SERINC5: variants seen among roughly 807,000 people sequenced by gnomAD.
The protein encoded by SERINC5 is chromosome 5 open reading frame 12.
In SERINC5, 41 loss-of-function variants were observed where a neutral mutation model predicts 63.1. That is an observed-to-expected ratio of 0.65 (90% CI 0.51 to 0.84). The LOEUF is 0.84. SERINC5 is among the 40% of genes least tolerant of loss of function. The pLI, the probability that SERINC5 is intolerant of heterozygous loss-of-function variation, is 0.00. For synonymous variants in SERINC5, 222 were observed against 215.2 expected (o/e 1.03, Z -0.28); for missense variants, 523 against 573.0 (o/e 0.91, Z 0.89).
chr5:80,134,807 A>T (rs185691016), downstream of SERINC5, among the ~76,000 whole-genome samples: 1 of 152,342 alleles, frequency 6.6e-6, no homozygotes, highest in African/African-American at 2.4e-5. Flanking sequence ...CTGAAAGAAC[A>T]AGTGTGTTCT....
chr5:80,236,360 C>T (rs969363130), intron 1 of SERINC5, among the ~76,000 whole-genome samples: 3 of 152,104 alleles, frequency 2.0e-5, no homozygotes, highest in Non-Finnish European at 2.9e-5. Flanking sequence ...CTCAGGCTTC[C>T]TATCATTAGA....
intron 1 of SERINC5, among the ~76,000 whole-genome samples, chr5:80,240,966 G>A (rs956323298): frequency 9.9e-5 from 15 of 152,170 alleles, no homozygotes; most frequent in African/African-American, 3.6e-4. Flanking sequence ...GAGCCACTGT[G>A]CTCGGCCGTG....
Position 80,147,234 on chromosome 5 carries a change from G to A in SERINC5, c.1093+11C>T, listed in dbSNP as rs62364003. ...CCACACAGGTGCAAAGAATAAAAGC[G>A]CTCTGCTTACCCTCTCCACCAGGAC... On this transcript the variant is annotated intron_variant, in intron 10 of 11. Transcript: ENST00000507668. 1.6e-4 allele frequency: 249 copies of A among 1,595,260 alleles called. No individual in the cohort carries two copies. Among genetic ancestry groups the A allele is most frequent in the African/African-American group, 5.5e-4 (41 of 74,612 alleles).
intron 1 of SERINC5, among the ~76,000 whole-genome samples, chr5:80,253,843 A>G (rs1031451746): frequency 6.6e-6 from 1 of 152,218 alleles, no homozygotes; most frequent in Admixed American, 6.5e-5. Flanking sequence ...TTATGACTAT[A>G]TAGCAGGCTC....
At chr5:80,221,837 T>C (rs1750919180) in intron 1 of SERINC5, among the ~76,000 whole-genome samples, 1 of 150,754 alleles carries the variant, frequency 6.6e-6, no homozygotes, top group African/African-American at 2.4e-5. Context: ...ATAAATACTA[T>C]AAAATGAGTT....
At chr5:80,236,292 C>G (rs1390894785) in intron 1 of SERINC5, among the ~76,000 whole-genome samples, 1 of 152,092 alleles carries the variant, frequency 6.6e-6, no homozygotes, top group East Asian at 1.9e-4. Flanking sequence ...AAACAACAGA[C>G]AGATGAAGTA....
chr5:80,145,563 A>G (rs561790582), intron 11 of SERINC5, among the ~76,000 whole-genome samples: 4 of 149,752 alleles, frequency 2.7e-5, no homozygotes, highest in African/African-American at 1.0e-4. Context: ...TTTGAAGTAG[A>G]AAAAAAAGGG....
At chr5:80,185,581 C>T (rs932201475) in intron 2 of SERINC5, among the ~76,000 whole-genome samples, 6 of 151,998 alleles carry the variant, frequency 3.9e-5, no homozygotes. Flanking sequence ...TGGGTGCAGG[C>T]GGGCTGAGTC....
chr5:80,169,941 T>C (rs1747542163), intron 5 of SERINC5, among the ~76,000 whole-genome samples: 1 of 152,132 alleles, frequency 6.6e-6, no homozygotes, highest in South Asian at 2.1e-4. Context: ...GAATCTTCTG[T>C]GGCTGGTGCT....
At chr5:80,150,626 G>A (rs1230514455) in intron 9 of SERINC5, among the ~76,000 whole-genome samples, 2 of 152,060 alleles carry the variant, frequency 1.3e-5, no homozygotes, top group African/African-American at 2.4e-5. Flanking sequence ...AGTAGAGATG[G>A]GGTTTCACCA....
chr5:80,147,790 G>A (rs190348931), intron 9 of SERINC5, among the ~76,000 whole-genome samples: 1 of 152,244 alleles, frequency 6.6e-6, no homozygotes, highest in African/African-American at 2.4e-5. Context: ...AACGTGACAA[G>A]AGCCCCACTC....
Position 80,203,186 on chromosome 5 carries a change from G to A in SERINC5, c.28-133C>T, listed in dbSNP as rs1279249232. ...TGGAGGATCACTTGAGACTAGGATCGCTTGAGACCAGAGTTCAAGTTTAGC... is the reference window on the plus strand; with the variant it reads ...TGGAGGATCACTTGAGACTAGGATCACTTGAGACCAGAGTTCAAGTTTAGC... On this transcript the variant is annotated intron_variant, in intron 1 of 11. Transcript: ENST00000507668. 13 of 830,720 alleles carry A rather than the reference G, an allele frequency of 1.6e-5. 1 individual carries two copies. The highest frequency in any genetic ancestry group is 3.0e-5 in the South Asian group (2 of 65,584). The allele number at this position is 830,720 out of a possible 1,614,324, so 51.5% of individuals were successfully genotyped here.
At chr5:80,147,411 G>T in intron 9 of SERINC5, 127 bp from the exon 10 acceptor site, 1 of 933,340 alleles carries the variant, frequency 1.1e-6, no homozygotes, top group Non-Finnish European at 1.6e-6. Context: ...TTCTTTCCCA[G>T]GTGTGCTGGG....
intron 11 of SERINC5, among the ~76,000 whole-genome samples, chr5:80,113,901 C>T (rs889702106): frequency 5.3e-5 from 8 of 151,918 alleles, no homozygotes; most frequent in African/African-American, 1.9e-4. Context: ...GCTGTGTGCC[C>T]CCCCACCCAT....
intron 2 of SERINC5, among the ~76,000 whole-genome samples, chr5:80,180,375 G>A (rs1561400674): frequency 1.3e-5 from 2 of 152,030 alleles, no homozygotes; most frequent in Non-Finnish European, 2.9e-5. Flanking sequence ...CAAAACTGAA[G>A]GTAAAAGGAA....
chr5:80,189,141 A>G (rs1375835039), intron 2 of SERINC5, among the ~76,000 whole-genome samples: 1 of 152,210 alleles, frequency 6.6e-6, no homozygotes, highest in Admixed American at 6.5e-5. Context: ...GAAGTCATAA[A>G]GTTAGTACAT....
intron 12 of SERINC5, among the ~76,000 whole-genome samples, chr5:80,112,214 G>A (rs1561342334): frequency 6.6e-6 from 1 of 152,166 alleles, no homozygotes; most frequent in African/African-American, 2.4e-5. Context: ...TATAAAACCC[G>A]ATTGTAGAAA....
intron 3 of SERINC5, among the ~76,000 whole-genome samples, chr5:80,177,642 G>A (rs1423547896): frequency 1.3e-5 from 2 of 152,186 alleles, no homozygotes; most frequent in Non-Finnish European, 2.9e-5. Flanking sequence ...CTGGGGGAAG[G>A]TCTTGGAACA....
chr5:80,166,728 T>C, intron 6 of SERINC5: 1 of 342,944 alleles, frequency 2.9e-6, no homozygotes, highest in Non-Finnish European at 5.5e-6. Context: ...CTACCAATAC[T>C]TTATCAAGCC....
Sources: gnomAD v4.1 joint callset for allele counts (sites outside exome capture counted in the v4.1 genomes callset) on GRCh38, gnomAD v4.1.1 for gene constraint, MANE v1.5 for transcripts, NCBI Gene and HGNC (gene_info 2026-07-23, HGNC 2026-07-21) for gene names.